The following GOLPH3 variants were observed in gnomAD, a reference collection of about 807,000 sequenced individuals.
GOLPH3 encodes the protein golgi phosphoprotein 3, also known as coat protein GPP34.
In GOLPH3, 14 loss-of-function variants were observed where a neutral mutation model predicts 28.5. The observed-to-expected ratio is 0.49, with a 90% CI of 0.32 to 0.77. The LOEUF is 0.77. GOLPH3 is among the 30% of genes least tolerant of loss of function. The probability of loss-of-function intolerance (pLI) is 0.03; values close to 1 mark genes in which losing one functional copy is unlikely to be tolerated. For missense variants in GOLPH3, 350 were observed against 393.7 expected (o/e 0.89, Z 0.94); for synonymous variants, 158 against 159.2 (o/e 0.99, Z 0.06).
chr5:32,173,250 A>G (rs1026502213), intron 1 of GOLPH3, among the ~76,000 whole-genome samples: 4 of 69,004 alleles, frequency 5.8e-5, no homozygotes, highest in African/African-American at 1.7e-4. Context: ...TGAGAAACTT[A>G]ACTTAACTTT....
chr5:32,162,432 C>T (rs1380528719), intron 1 of GOLPH3, among the ~76,000 whole-genome samples: 2 of 150,678 alleles, frequency 1.3e-5, no homozygotes, highest in East Asian at 2.0e-4. Context: ...GCGGAGCTTG[C>T]GGTGAGCAGA....
intron 1 of GOLPH3, among the ~76,000 whole-genome samples, chr5:32,145,533 C>CA (rs1313888965): frequency 6.6e-6 from 1 of 152,180 alleles, no homozygotes; most frequent in Non-Finnish European, 1.5e-5. Flanking sequence ...GACATATAGA[C>CA]AGAGTTCCTA....
chr5:32,129,272 C>T (rs1745771477), intron 3 of GOLPH3, among the ~76,000 whole-genome samples: 1 of 152,130 alleles, frequency 6.6e-6, no homozygotes, highest in African/African-American at 2.4e-5. Context: ...TCCATTTACT[C>T]ATCTATAAAG....
intron 1 of GOLPH3, among the ~76,000 whole-genome samples, chr5:32,156,502 C>G (rs907175926): frequency 1.7e-4 from 24 of 138,404 alleles, no homozygotes; most frequent in African/African-American, 5.7e-4. Flanking sequence ...GATTCTGTCT[C>G]AAAAAAAAAA....
intron 1 of GOLPH3, among the ~76,000 whole-genome samples, chr5:32,144,418 C>T (rs1421692918): frequency 6.6e-6 from 1 of 152,176 alleles, no homozygotes; most frequent in Admixed American, 6.5e-5. Flanking sequence ...TAGTGAGATC[C>T]TGTTTCTACC....
At chr5:32,137,618 C>T (rs1443152861) in intron 2 of GOLPH3, among the ~76,000 whole-genome samples, 2 of 152,086 alleles carry the variant, frequency 1.3e-5, no homozygotes, top group Non-Finnish European at 2.9e-5. Flanking sequence ...GAGATCGCAC[C>T]TTTGCACTCC....
chr5:32,158,351 C>T (rs1746501972), intron 1 of GOLPH3, among the ~76,000 whole-genome samples: 1 of 152,130 alleles, frequency 6.6e-6, no homozygotes, highest in Non-Finnish European at 1.5e-5. Flanking sequence ...CGTTACAGTG[C>T]AGTCTGCCTA....
chr5:32,168,092 C>G (rs1014016053), intron 1 of GOLPH3, among the ~76,000 whole-genome samples: 2 of 152,088 alleles, frequency 1.3e-5, no homozygotes, highest in Non-Finnish European at 2.9e-5. Context: ...AAGGAAATAT[C>G]ATTTGTCTTA....
rs1235173974 is a variant in GOLPH3 at position 32,165,269 on chromosome 5, TG to T, written c.225+8540del. On this transcript the variant is annotated intron_variant, in intron 1 of 3. Transcript: ENST00000265070. The stretch of plus-strand genomic sequence containing the variant: ...ACTGAGTGACTGCCAAATGCCAGCC[TG>T]AAATATATGACATCAAAAAATTATA... 3.9e-5 allele frequency among the ~76,000 whole-genome samples: 6 copies of T among 152,116 alleles called. No homozygotes were observed. In the East Asian group the frequency reaches 1.2e-3, roughly 29 times the overall value.
At chr5:32,163,510 T>C (rs1476229107) in intron 1 of GOLPH3, among the ~76,000 whole-genome samples, 3 of 151,996 alleles carry the variant, frequency 2.0e-5, no homozygotes, top group Non-Finnish European at 4.4e-5. Flanking sequence ...AAAAATTAGC[T>C]GGGCATGGTG....
At chr5:32,163,105 A>G (rs924521318) in intron 1 of GOLPH3, among the ~76,000 whole-genome samples, 3 of 152,172 alleles carry the variant, frequency 2.0e-5, no homozygotes, top group Non-Finnish European at 4.4e-5. Flanking sequence ...AAGTAGGCCC[A>G]TTTTGCCCAG....
intron 2 of GOLPH3, among the ~76,000 whole-genome samples, chr5:32,141,119 C>T (rs1333337300): frequency 2.7e-5 from 4 of 148,074 alleles, no homozygotes; most frequent in Admixed American, 6.8e-5. Context: ...GCCGAGATCA[C>T]GCCACTGCAC....
intron 3 of GOLPH3, chr5:32,134,749 G>C (rs898432512): frequency 6.6e-6 from 1 of 152,002 alleles, no homozygotes. Context: ...GCTGGTCCAA[G>C]TACAGCAGTT....
intron 3 of GOLPH3, 77 bp downstream of exon 3, chr5:32,135,495 A>C: frequency 1.2e-6 from 1 of 869,490 alleles, no homozygotes; most frequent in Non-Finnish European, 1.9e-6. Context: ...TATTTTGTGT[A>C]GGTTCCTTTC....
intron 1 of GOLPH3, among the ~76,000 whole-genome samples, chr5:32,167,802 T>A (rs1247206710): frequency 2.0e-5 from 3 of 151,838 alleles, no homozygotes; most frequent in Non-Finnish European, 4.4e-5. Context: ...TTTTTTTTTT[T>A]AATTAGCTGG....
intron 2 of GOLPH3, among the ~76,000 whole-genome samples, chr5:32,140,942 C>T (rs538684277): frequency 2.0e-5 from 3 of 152,020 alleles, no homozygotes; most frequent in Non-Finnish European, 4.4e-5. Context: ...GCGAGCGGAT[C>T]ACTTGAGCCC....
intron 2 of GOLPH3, among the ~76,000 whole-genome samples, chr5:32,142,012 T>C (rs1439878959): frequency 2.6e-5 from 4 of 152,172 alleles, no homozygotes; most frequent in Non-Finnish European, 4.4e-5. Flanking sequence ...CTGCAGCCTC[T>C]GCCCGGCCGC....
chr5:32,172,387 T>G (rs79314442), intron 1 of GOLPH3, among the ~76,000 whole-genome samples: 2,206 of 151,592 alleles, frequency 0.015, 21 homozygotes, highest in Non-Finnish European at 0.024. Context: ...CCCACCTTCC[T>G]GAATTTGGAA....
intron 3 of GOLPH3, chr5:32,134,782 G>A (rs1430373024): frequency 6.6e-6 from 1 of 152,124 alleles, no homozygotes; most frequent in Admixed American, 6.5e-5. Context: ...CTGATCACAA[G>A]TTAGATTTTT....
Sources: allele counts gnomAD v4.1 joint callset (sites outside exome capture counted in the v4.1 genomes callset), GRCh38; gene constraint gnomAD v4.1.1; transcripts MANE v1.5; gene names NCBI Gene and HGNC (gene_info 2026-07-23, HGNC 2026-07-21).